ACSL1: variants seen among roughly 807,000 people sequenced by gnomAD.
ACSL1 encodes acyl-CoA synthetase long chain family member 1.
Under a neutral mutation model 98.4 loss-of-function variants are expected in ACSL1, and 41 were observed. The ratio of observed to expected loss-of-function variants is 0.42; its 90% CI spans 0.32 to 0.54. The LOEUF (loss-of-function observed/expected upper bound fraction) is 0.54. Among genes scored for constraint, ACSL1 ranks in the 20% least tolerant of loss-of-function variants. The probability of loss-of-function intolerance (pLI) is 0.13; values close to 1 mark genes in which losing one functional copy is unlikely to be tolerated. For missense variants in ACSL1, 734 were observed against 883.1 expected, an observed-to-expected ratio of 0.83 and a Z score of 2.14; for synonymous variants, 316 against 322.7, an observed-to-expected ratio of 0.98 and a Z score of 0.22.
chr4:184,824,244 G>A (rs1773284120), intron 1 of ACSL1, among the ~76,000 whole-genome samples: 3 of 152,234 alleles, frequency 2.0e-5, no homozygotes, highest in African/African-American at 7.2e-5. Flanking sequence ...TCCTGGCTCA[G>A]CCTCTCGAGT....
intron 1 of ACSL1, chr4:184,815,041 C>T (rs1363761069): frequency 2.2e-6 from 1 of 456,250 alleles, no homozygotes; most frequent in South Asian, 1.5e-5. Flanking sequence ...TCAATGAAGA[C>T]AAACACACCT....
intron 2 of ACSL1, among the ~76,000 whole-genome samples, chr4:184,800,065 T>C (rs1383402081): frequency 3.3e-5 from 5 of 152,172 alleles, no homozygotes; most frequent in Non-Finnish European, 7.4e-5. Context: ...TTTTACCTCT[T>C]TGGACTCAGT....
At chr4:184,801,125 G>A (rs1416217466) in intron 2 of ACSL1, among the ~76,000 whole-genome samples, 1 of 146,722 alleles carries the variant, frequency 6.8e-6, no homozygotes, top group Non-Finnish European at 1.5e-5. Flanking sequence ...CAAAGTGCAG[G>A]GATTACAGCA....
At chr4:184,826,489 C>CCA (rs1214004297), upstream of ACSL1, 1 of 143,924 alleles carries the variant, frequency 6.9e-6, no homozygotes, top group African/African-American at 2.5e-5. Context: ...GGGCGCGGCC[C>CCA]CACAGGGTTT....
At chr4:184,775,737 A>G (rs1765194925) in intron 7 of ACSL1, among the ~76,000 whole-genome samples, 1 of 152,230 alleles carries the variant, frequency 6.6e-6, no homozygotes, top group Non-Finnish European at 1.5e-5. Flanking sequence ...ATAAAAATTT[A>G]AAATCCTATC....
chr4:184,813,615 T>C (rs538112069), intron 1 of ACSL1: 2 of 306,794 alleles, frequency 6.5e-6, no homozygotes, highest in Non-Finnish European at 1.4e-5. Context: ...TCTAAGGGTA[T>C]TAGGCAAGAC....
At chr4:184,813,912 C>A (rs1438300806) in intron 1 of ACSL1, 1 of 455,278 alleles carries the variant, frequency 2.2e-6, no homozygotes, top group African/African-American at 2.0e-5. Context: ...AGAGAAGGTA[C>A]CTAGATCCTG....
intron 1 of ACSL1, among the ~76,000 whole-genome samples, chr4:184,816,357 G>A (rs1379953725): frequency 6.6e-6 from 1 of 152,060 alleles, no homozygotes; most frequent in African/African-American, 2.4e-5. Flanking sequence ...TGACAACCAC[G>A]AGACATGAGC....
At chr4:184,791,760 C>A (rs1768412610) in intron 2 of ACSL1, among the ~76,000 whole-genome samples, 2 of 152,102 alleles carry the variant, frequency 1.3e-5, no homozygotes, top group African/African-American at 4.8e-5. Context: ...CGGGAAGGAC[C>A]AAGGCACTGG....
chr4:184,788,973 G>A (rs780096036), intron 2 of ACSL1, among the ~76,000 whole-genome samples: 2 of 152,050 alleles, frequency 1.3e-5, no homozygotes, highest in Admixed American at 6.5e-5. Context: ...TCCTGAACTC[G>A]TTCCTATTAT....
chr4:184,770,278 G>A (rs1289446439), intron 11 of ACSL1, 121 bp downstream of exon 11: 28 of 1,546,984 alleles, frequency 1.8e-5, no homozygotes, highest in Non-Finnish European at 2.4e-5. Flanking sequence ...TCATAAATGT[G>A]AGCAAGTGGT....
intron 4 of ACSL1, among the ~76,000 whole-genome samples, chr4:184,782,979 G>C (rs1766573112): frequency 6.6e-6 from 1 of 152,206 alleles, no homozygotes. Context: ...CCCAGAAGGA[G>C]GAAGTGCATT....
intron 3 of ACSL1, among the ~76,000 whole-genome samples, chr4:184,785,173 A>G (rs569130951): frequency 2.3e-4 from 35 of 152,324 alleles, no homozygotes; most frequent in Admixed American, 8.5e-4. Context: ...ACCAAAGCCA[A>G]AAATATTTAC....
chr4:184,779,390 C>T lies in ACSL1; in HGVS notation c.477+942G>A, dbSNP rs113895097. On this transcript the variant is annotated intron_variant, in intron 5 of 20. Coordinates refer to ENST00000281455, the MANE Select transcript of ACSL1 (RefSeq NM_001995.5). Reference sequence around the variant, plus strand: ...TCCTGCCATGATTCTGAGGCCCCCCCAGCCATGTGAAACTGCAAGTCCAAT... The same window carrying T: ...TCCTGCCATGATTCTGAGGCCCCCCTAGCCATGTGAAACTGCAAGTCCAAT... 4.4e-4 allele frequency among the ~76,000 whole-genome samples: 67 copies of T among 152,316 alleles called. 1 individual carries two copies. Among genetic ancestry groups the T allele is most frequent in the Non-Finnish European group, 6.3e-4 (43 of 68,024 alleles).
At chr4:184,781,540 A>C (rs1189716834) in intron 4 of ACSL1, among the ~76,000 whole-genome samples, 5 of 152,128 alleles carry the variant, frequency 3.3e-5, no homozygotes, top group Non-Finnish European at 7.4e-5. Context: ...TACCCCAAAT[A>C]AACTAAAATT....
At chr4:184,776,802 C>A in intron 6 of ACSL1, 82 bp downstream of exon 6, 3 of 1,527,618 alleles carry the variant, frequency 2.0e-6, no homozygotes, top group Non-Finnish European at 2.7e-6. Context: ...AAATCTTTGT[C>A]AAATCAAATG....
At chr4:184,775,219 T>C (rs1765102605) in intron 7 of ACSL1, among the ~76,000 whole-genome samples, 1 of 152,168 alleles carries the variant, frequency 6.6e-6, no homozygotes, top group African/African-American at 2.4e-5. Flanking sequence ...GGCGATCTCT[T>C]CACCTTTTGC....
chr4:184,812,698 C>G (rs1356942503), intron 1 of ACSL1, among the ~76,000 whole-genome samples: 1 of 152,154 alleles, frequency 6.6e-6, no homozygotes, highest in African/African-American at 2.4e-5. Flanking sequence ...GAGATTTGGA[C>G]AGACGACTGA....
In ACSL1 at chr4:184,757,885, C is replaced by G; in HGVS notation, c.1818G>C (p.Glu606Asp). 1 of 1,614,154 alleles carries G rather than the reference C, an allele frequency of 6.2e-7. No homozygotes were observed. The highest frequency in any genetic ancestry group is 1.7e-5 in the Admixed American group (1 of 60,022). ...TCTTTTGGGCCCAGGAACATAATGT[C>G]TCAACATCTGGTACCACAATTGCAA... ...FLIAIVVPDV[E>D]TLCSWAQKRG... is the part of the protein sequence containing the mutation. Residue 606 changes from glutamate to aspartate, a missense_variant, in exon 19 of 21, where the codon GAG becomes GAC. Coordinates refer to ENST00000281455, the MANE Select transcript of ACSL1 (RefSeq NM_001995.5). The surrounding 1 kb of genome is among the most constrained non-coding windows in gnomAD (Gnocchi z 4.5).
Sources: allele counts gnomAD v4.1 joint callset (sites outside exome capture counted in the v4.1 genomes callset), GRCh38; gene constraint gnomAD v4.1.1; non-coding constraint Gnocchi (gnomAD v3.1); transcripts MANE v1.5; gene names NCBI Gene and HGNC (gene_info 2026-07-23, HGNC 2026-07-21).